CSMD1: variants seen among roughly 807,000 people sequenced by gnomAD.
The protein encoded by CSMD1 is CUB and Sushi multiple domains 1.
A neutral mutation model predicts 417.5 loss-of-function variants in CSMD1; 213 were observed. The ratio of observed to expected loss-of-function variants is 0.51; its 90% CI spans 0.46 to 0.57. The LOEUF is 0.57. Among genes scored for constraint, CSMD1 ranks in the 20% least tolerant of loss-of-function variants. The pLI is 0.00. For synonymous variants in CSMD1, 2,862 were observed against 1,736.8 expected (o/e 1.65, Z -16.11); for missense variants, 6,923 against 4,529.7 (o/e 1.53, Z -15.17).
chr8:3,789,815 C>T (rs552442932), intron 5 of CSMD1, among the ~76,000 whole-genome samples: 2 of 150,080 alleles, frequency 1.3e-5, no homozygotes, highest in East Asian at 4.0e-4. Context: ...ACTGCAAGCT[C>T]CGCCTCCCGG....
In CSMD1 at chr8:4,749,715, G is replaced by T. The variant is rs577881877; in HGVS notation, c.86-112157C>A. 9.9e-5 allele frequency among the ~76,000 whole-genome samples: 15 copies of T among 152,048 alleles called. No individual in the cohort carries two copies. The East Asian group carries it at 2.9e-3, about 29-fold the overall frequency. Reference sequence around the variant, plus strand: ...GCAATTTCAACTTAAGAAATTCATTGCAATAATTTTAATAATTACATATTT... The same window carrying T: ...GCAATTTCAACTTAAGAAATTCATTTCAATAATTTTAATAATTACATATTT... On this transcript the variant is annotated intron_variant, in intron 1 of 69. Coordinates refer to ENST00000635120, the MANE Select transcript of CSMD1 (RefSeq NM_033225.6).
intron 2 of CSMD1, among the ~76,000 whole-genome samples, chr8:4,466,288 A>G (rs1034799398): frequency 6.6e-6 from 1 of 152,156 alleles, no homozygotes; most frequent in Non-Finnish European, 1.5e-5. Context: ...TGAGGAAGAA[A>G]ACAGAGGAGG....
intron 23 of CSMD1, among the ~76,000 whole-genome samples, chr8:3,323,238 T>C (rs1306460646): frequency 6.6e-6 from 1 of 152,216 alleles, no homozygotes; most frequent in African/African-American, 2.4e-5. Context: ...CTAACACAAA[T>C]GACAAGGGAC....
intron 1 of CSMD1, among the ~76,000 whole-genome samples, chr8:4,655,917 T>A (rs907727502): frequency 6.6e-6 from 1 of 152,148 alleles, no homozygotes; most frequent in South Asian, 2.1e-4. Context: ...GTGTGGACAC[T>A]GTGTTAGGCT....
At chr8:3,559,297 C>T (rs11136640) in intron 10 of CSMD1, among the ~76,000 whole-genome samples, 1 of 151,710 alleles carries the variant, frequency 6.6e-6, no homozygotes, top group Non-Finnish European at 1.5e-5. Flanking sequence ...ACATGAAGAT[C>T]GCCATGGAAT....
At chr8:4,689,500 T>C (rs1806619482) in intron 1 of CSMD1, among the ~76,000 whole-genome samples, 2 of 152,210 alleles carry the variant, frequency 1.3e-5, no homozygotes, top group Non-Finnish European at 2.9e-5. Context: ...GACGTATTTC[T>C]TGGATAACTT....
intron 41 of CSMD1, among the ~76,000 whole-genome samples, chr8:3,126,447 G>A (rs1447633066): frequency 2.6e-5 from 4 of 152,168 alleles, no homozygotes; most frequent in African/African-American, 9.7e-5. Flanking sequence ...GAATAGGGCT[G>A]CAGTTTACAT....
intron 5 of CSMD1, among the ~76,000 whole-genome samples, chr8:3,829,226 T>A (rs4449820): frequency 0.32 from 48,592 of 151,952 alleles, 8,386 homozygotes; most frequent in East Asian, 0.57. Flanking sequence ...ATCCTTCTTA[T>A]GCCTTTGCAT....
At chr8:3,492,772 G>A (rs996406619) in intron 11 of CSMD1, among the ~76,000 whole-genome samples, 7 of 152,096 alleles carry the variant, frequency 4.6e-5, no homozygotes, top group Admixed American at 6.5e-5. Flanking sequence ...GGCTGTCACC[G>A]TGTTTGCTAA....
chr8:3,920,355 G>C (rs1378879591), intron 5 of CSMD1, among the ~76,000 whole-genome samples: 3 of 151,560 alleles, frequency 2.0e-5, no homozygotes, highest in African/African-American at 4.9e-5. Flanking sequence ...AGATGCGTGT[G>C]TGTTTGTGTG....
chr8:3,545,202 T>C (rs1364683224), intron 10 of CSMD1, among the ~76,000 whole-genome samples: 1 of 152,234 alleles, frequency 6.6e-6, no homozygotes, highest in Non-Finnish European at 1.5e-5. Context: ...AGGTAGAATA[T>C]TGTTTCCATG....
chr8:3,791,021 G>T (rs1232258677), intron 5 of CSMD1, among the ~76,000 whole-genome samples: 2 of 152,150 alleles, frequency 1.3e-5, no homozygotes, highest in African/African-American at 4.8e-5. Context: ...AGGTTATAAA[G>T]ACTCCACTAA....
intron 51 of CSMD1, among the ~76,000 whole-genome samples, chr8:3,023,402 CAATA>C (rs1194711996): frequency 5.3e-5 from 8 of 152,112 alleles, no homozygotes; most frequent in African/African-American, 1.9e-4. Flanking sequence ...GTAAGTCGAA[CAATA>C]AATAAATGTA....
chr8:4,107,038 T>A (rs1458214990), intron 3 of CSMD1, among the ~76,000 whole-genome samples: 5 of 151,994 alleles, frequency 3.3e-5, no homozygotes, highest in South Asian at 4.1e-4. Flanking sequence ...CTGCCACATA[T>A]CACGCGGCAC....
chr8:3,510,271 C>G (rs1478708361), intron 10 of CSMD1, among the ~76,000 whole-genome samples: 1 of 151,820 alleles, frequency 6.6e-6, no homozygotes, highest in East Asian at 1.9e-4. Flanking sequence ...TGCCTGCAGC[C>G]CAGGCTTCTC....
At chr8:3,413,932 AGTTGGAGACCAG>A (rs953615525) in intron 12 of CSMD1, among the ~76,000 whole-genome samples, 4 of 151,990 alleles carry the variant, frequency 2.6e-5, no homozygotes, top group African/African-American at 9.7e-5. Flanking sequence ...TGAGATCATG[AGTTGGAGACCAG>A]CCTGGCCAAC....
At chr8:4,262,560 G>A (rs1408754038) in intron 3 of CSMD1, among the ~76,000 whole-genome samples, 2 of 152,026 alleles carry the variant, frequency 1.3e-5, no homozygotes, top group East Asian at 1.9e-4. Context: ...GAAATGCTCG[G>A]GACACACACG....
At chr8:4,131,738 A>G (rs1803117127) in intron 3 of CSMD1, among the ~76,000 whole-genome samples, 1 of 147,420 alleles carries the variant, frequency 6.8e-6, no homozygotes. Flanking sequence ...TCAAGATTAA[A>G]TTAGTATACA....
intron 46 of CSMD1, among the ~76,000 whole-genome samples, 157 bp downstream of exon 46, chr8:3,106,371 C>T (rs535189630): frequency 5.8e-4 from 88 of 152,230 alleles, no homozygotes; most frequent in African/African-American, 2.0e-3. Context: ...GTACTCCCAC[C>T]TGGGTGACAG....
Sources: gnomAD v4.1 joint callset for allele counts (sites outside exome capture counted in the v4.1 genomes callset) on GRCh38, gnomAD v4.1.1 for gene constraint, MANE v1.5 for transcripts, NCBI Gene and HGNC (gene_info 2026-07-23, HGNC 2026-07-21) for gene names.